Variants in RAB40B observed in about 807,000 individuals in gnomAD.
RAB40B encodes ras-related protein Rab-40B.
RAB40B carries 21 observed loss-of-function variants against 24.0 expected under a neutral mutation model. That is an observed-to-expected ratio of 0.88 (90% CI 0.62 to 1.26). RAB40B has a LOEUF of 1.26. Ranked by LOEUF, RAB40B falls within the 50% of genes most tolerant of loss-of-function variation. The pLI, the probability that RAB40B is intolerant of heterozygous loss-of-function variation, is 0.00. For missense variants in RAB40B, 348 were observed against 390.5 expected (o/e 0.89, Z 0.92); for synonymous variants, 167 against 169.8 (o/e 0.98, Z 0.13).
chr17:82,681,033 A>G (rs55778904), intron 1 of RAB40B, among the ~76,000 whole-genome samples: 4 of 85,752 alleles, frequency 4.7e-5, no homozygotes, highest in African/African-American at 8.0e-5. Context: ...AAAAAAAAAA[A>G]AAAAAAAAAA....
intron 1 of RAB40B, among the ~76,000 whole-genome samples, chr17:82,679,155 T>C (rs2046424464): frequency 6.6e-6 from 1 of 151,344 alleles, no homozygotes. Flanking sequence ...AGTGCTGGGA[T>C]GACAGGCGTG....
chr17:82,692,293 C>T lies in RAB40B; in HGVS notation c.142+6162G>A, dbSNP rs960031007. On this transcript the variant is annotated intron_variant, in intron 1 of 5. Transcript: ENST00000571995. The surrounding 1 kb of genome is among the most constrained non-coding windows in gnomAD (Gnocchi z 4.0). The stretch of plus-strand genomic sequence containing the variant: ...CACATAGTCTGTGGAGTCAAGTTGC[C>T]GACAGGGTCCAAGATCCAAGAACTC... Among the ~76,000 whole-genome samples, 2 of 152,120 alleles carry T rather than the reference C, an allele frequency of 1.3e-5. No individual in the cohort carries two copies. The highest frequency in any genetic ancestry group is 2.1e-4 in the South Asian group (1 of 4,826).
chr17:82,698,304 T>A, intron 1 of RAB40B, 151 bp downstream of exon 1: 3 of 671,778 alleles, frequency 4.5e-6, no homozygotes, highest in Non-Finnish European at 4.0e-6. Flanking sequence ...CCGGGACTCC[T>A]ACCCTCCCCG....
rs1357731907 is a variant in RAB40B, at chr17:82,667,952, T to A, written c.143-3396A>T. Among the ~76,000 whole-genome samples the A allele has an allele frequency of 6.6e-6, 1 of 152,104 alleles. No homozygotes were observed. Among genetic ancestry groups the A allele is most frequent in the East Asian group, 1.9e-4 (1 of 5,174 alleles). ...GGCATGGGCGCTGACGGGGCACTGA[T>A]GGGGCCTTTGGGATGTTGCTCTTCC... On this transcript the variant is annotated intron_variant, in intron 1 of 5. Transcript: ENST00000571995. This position sits in a 1 kb window ranked among gnomAD's most constrained non-coding sequence, Gnocchi z 4.3.
chr17:82,657,644 C>T lies in RAB40B; in HGVS notation c.*219G>A, dbSNP rs890760954. On this transcript the variant is annotated 3_prime_UTR_variant, in exon 6 of 6. Transcript: ENST00000571995. ...GAGTCGAGCAGAGTACTAATTTTCC[C>T]TTTACAAACACACATCGAAAACAAG... The T allele has an allele frequency of 2.9e-6, 2 of 687,570 alleles. No homozygotes were observed. The highest frequency in any genetic ancestry group is 2.7e-6 in the Non-Finnish European group (1 of 375,290). 42.6% of individuals were successfully genotyped at this position (687,570 alleles called of 1,614,324 possible).
intron 1 of RAB40B, among the ~76,000 whole-genome samples, chr17:82,685,217 GGGGAGGGGGAGGGAGGACGGAGGA>G (rs1333012283): frequency 1.3e-4 from 19 of 145,976 alleles, no homozygotes; most frequent in African/African-American, 3.1e-4. Context: ...GGAAAGGAAT[GGGGAGGGGGAGGGAGGACGGAGGA>G]GGGAGGGGGA....
Position 82,676,445 on chromosome 17 carries a change from C to A in RAB40B, c.143-11889G>T, listed in dbSNP as rs186528154. ...TCACCTTCAACAGCCTCTCCCCCCC[C>A]ACACAGGGCACCCCCGACCTTCAAC... On this transcript the variant is annotated intron_variant, in intron 1 of 5. Coordinates refer to ENST00000571995, the MANE Select transcript of RAB40B (RefSeq NM_006822.3). Among the ~76,000 whole-genome samples, 661 of 149,852 alleles carry A rather than the reference C, an allele frequency of 4.4e-3. 6 individuals carry two copies. Among genetic ancestry groups the A allele is most frequent in the African/African-American group, 0.015 (610 of 40,588 alleles).
intron 1 of RAB40B, among the ~76,000 whole-genome samples, chr17:82,688,572 C>T (rs549053960): frequency 2.0e-5 from 3 of 151,998 alleles, no homozygotes; most frequent in Admixed American, 2.0e-4. Flanking sequence ...GCTAAGAACA[C>T]GCCACAGCAC....
At chr17:82,695,233 CTG>C (rs2046596877) in intron 1 of RAB40B, among the ~76,000 whole-genome samples, 2 of 150,398 alleles carry the variant, frequency 1.3e-5, no homozygotes, top group East Asian at 3.9e-4. Flanking sequence ...CACTCTGTCG[CTG>C]GGCTGGAGTG....
chr17:82,657,201 A>C lies in RAB40B; in HGVS notation c.*662T>G. The C allele has an allele frequency of 6.0e-6, 1 of 165,512 alleles. No individual in the cohort carries two copies. Among genetic ancestry groups the C allele is most frequent in the Non-Finnish European group, 1.3e-5 (1 of 75,684 alleles). The allele number at this position is 165,512 out of a possible 1,614,324, so 10.3% of individuals were successfully genotyped here. Reference sequence around the variant, plus strand: ...TGCTGGCTGTGTTCAACATAACTAGAGGTATCTTTGGCATTTTCTTCCCTT... The same window carrying C: ...TGCTGGCTGTGTTCAACATAACTAGCGGTATCTTTGGCATTTTCTTCCCTT... On this transcript the variant is annotated 3_prime_UTR_variant, in exon 6 of 6. Coordinates refer to ENST00000571995, the MANE Select transcript of RAB40B (RefSeq NM_006822.3).
chr17:82,689,686 C>G (rs2046536046), intron 1 of RAB40B, among the ~76,000 whole-genome samples: 2 of 152,102 alleles, frequency 1.3e-5, no homozygotes, highest in African/African-American at 2.4e-5. Context: ...AAGTAGAAAA[C>G]TGGCCGGGCA....
intron 1 of RAB40B, among the ~76,000 whole-genome samples, chr17:82,690,206 G>C (rs564956843): frequency 6.6e-6 from 1 of 152,066 alleles, no homozygotes; most frequent in African/African-American, 2.4e-5. Flanking sequence ...GTGTCCAGGG[G>C]AAGATCTGCA....
rs573201940 is a variant in RAB40B, at chr17:82,667,709, C to T, written c.143-3153G>A. Among the ~76,000 whole-genome samples the T allele has an allele frequency of 6.6e-6, 1 of 152,160 alleles. No homozygotes were observed. The highest frequency in any genetic ancestry group is 2.4e-5 in the African/African-American group (1 of 41,454). On this transcript the variant is annotated intron_variant, in intron 1 of 5. Transcript: ENST00000571995. This position sits in a 1 kb window ranked among gnomAD's most constrained non-coding sequence, Gnocchi z 4.3. ...CCAAGCAACACCAGAGCAAACTCCC[C>T]CCGTCAGAGGAGAGTGATTCAGAGG...
At chr17:82,681,088 C>T (rs1168027745) in intron 1 of RAB40B, among the ~76,000 whole-genome samples, 1 of 141,342 alleles carries the variant, frequency 7.1e-6, no homozygotes, top group Non-Finnish European at 1.5e-5. Context: ...AGAAAATTAG[C>T]TAAAAATGAA....
rs1337759168 is a variant in RAB40B at position 82,658,076 on chromosome 17, C to T, written c.624G>A (p.Leu208=). The change falls in exon 6 of 6, where the codon CTG becomes CTA. Residue 208 remains leucine, a synonymous_variant. Transcript: ENST00000571995. ...CAATGGGGAGCGGGAGCTTGTCCAC[C>T]AGGTGCACCGGCGTGCAGGACACGA... is the stretch of plus-strand genomic sequence containing the variant. ...RAVVSCTPVH[L]VDKLPLPIAL... is the part of the protein sequence containing the mutation. The T allele has an allele frequency of 2.5e-6, 4 of 1,614,156 alleles. No homozygotes were observed. The highest frequency in any genetic ancestry group is 1.1e-5 in the South Asian group (1 of 91,080).
At chr17:82,691,575 G>A (rs1343782539) in intron 1 of RAB40B, among the ~76,000 whole-genome samples, 2 of 152,098 alleles carry the variant, frequency 1.3e-5, no homozygotes, top group Admixed American at 6.6e-5. Flanking sequence ...CCAGCTACTC[G>A]GGGGGCTGAG....
chr17:82,679,134 C>T (rs183577312), intron 1 of RAB40B, among the ~76,000 whole-genome samples: 63 of 151,364 alleles, frequency 4.2e-4, no homozygotes, highest in Non-Finnish European at 5.3e-4. Flanking sequence ...CCACCTGCCT[C>T]GGCCTCCCAA....
intron 1 of RAB40B, among the ~76,000 whole-genome samples, chr17:82,668,495 ACCCTCAGCCCT>A (rs1167462723): frequency 6.6e-6 from 1 of 152,180 alleles, no homozygotes; most frequent in Non-Finnish European, 1.5e-5. Flanking sequence ...GCACTGAGCC[ACCCTCAGCCCT>A]CCCTCAGCTT....
intron 1 of RAB40B, among the ~76,000 whole-genome samples, chr17:82,683,011 C>T (rs2046461330): frequency 6.6e-6 from 1 of 152,074 alleles, no homozygotes; most frequent in African/African-American, 2.4e-5. Context: ...GGCATGGTGG[C>T]ACACGCCTGT....
Sources: gnomAD v4.1 joint callset for allele counts (sites outside exome capture counted in the v4.1 genomes callset) on GRCh38, gnomAD v4.1.1 for gene constraint, Gnocchi (gnomAD v3.1) non-coding constraint, MANE v1.5 for transcripts, NCBI Gene and HGNC (gene_info 2026-07-23, HGNC 2026-07-21) for gene names.